OPCML: variants seen among roughly 807,000 people sequenced by gnomAD.
OPCML encodes opioid-binding protein/cell adhesion molecule.
A neutral mutation model predicts 37.8 loss-of-function variants in OPCML; 13 were observed. That is an observed-to-expected ratio of 0.34 (90% CI 0.22 to 0.55). OPCML has a LOEUF of 0.55. Ranked by LOEUF, OPCML falls within the 20% of genes least tolerant of loss-of-function variation. The pLI is 0.91. For synonymous variants in OPCML, 176 were observed against 168.8 expected, an observed-to-expected ratio of 1.04 and a Z score of -0.33; for missense variants, 341 against 435.6, an observed-to-expected ratio of 0.78 and a Z score of 1.93.
chr11:132,513,063 T>C (rs1301065632), intron 4 of OPCML, among the ~76,000 whole-genome samples: 1 of 152,154 alleles, frequency 6.6e-6, no homozygotes, highest in Non-Finnish European at 1.5e-5. Flanking sequence ...CATGTACTTC[T>C]CAAACCTCAT....
intron 1 of OPCML, among the ~76,000 whole-genome samples, chr11:133,399,935 G>T (rs546317535): frequency 2.0e-5 from 3 of 151,708 alleles, no homozygotes; most frequent in Non-Finnish European, 4.4e-5. Flanking sequence ...GCACACGTCT[G>T]TTGCATATTG....
chr11:132,719,190 C>T (rs1415097570), intron 2 of OPCML, among the ~76,000 whole-genome samples: 1 of 152,230 alleles, frequency 6.6e-6, no homozygotes, highest in African/African-American at 2.4e-5. Flanking sequence ...CATGCAGACA[C>T]TACCGCAGTC....
intron 1 of OPCML, among the ~76,000 whole-genome samples, chr11:133,419,780 T>C (rs542620053): frequency 5.3e-5 from 8 of 152,364 alleles, no homozygotes; most frequent in Non-Finnish European, 1.2e-4. Context: ...CTTAACATTC[T>C]ATCATGTCTG....
At chr11:133,143,952 G>A (rs1411552356) in intron 1 of OPCML, among the ~76,000 whole-genome samples, 2 of 152,212 alleles carry the variant, frequency 1.3e-5, no homozygotes, top group Non-Finnish European at 2.9e-5. Flanking sequence ...ACTCTGTGGA[G>A]ATGGAGGAGG....
At position 133,433,251 on chromosome 11, in the gene OPCML, CAA is replaced by C. The variant is rs71477795; in HGVS notation, c.61+99011_61+99012del. 1.6e-3 allele frequency among the ~76,000 whole-genome samples: 144 copies of C among 90,696 alleles called. 5 individuals are homozygous for C. The highest frequency in any genetic ancestry group is 5.3e-3 in the African/African-American group (115 of 21,828). 59.5% of individuals were successfully genotyped at this position (90,696 alleles called of 152,430 possible). A position where few individuals can be genotyped will look rare whatever the true frequency, so the allele number is the denominator to read the frequency against. On this transcript the variant is annotated intron_variant, in intron 1 of 7. Transcript: ENST00000524381. ...TGGGCGACAGAGCGAGACTCCGTCT[CAA>C]AAAAAAAAAAAAAAAAATATTACTG...
intron 1 of OPCML, among the ~76,000 whole-genome samples, chr11:133,169,994 A>G (rs1262680025): frequency 1.8e-5 from 1 of 56,632 alleles, no homozygotes; most frequent in East Asian, 4.9e-4. Context: ...TAAAATAGGA[A>G]AAAAAAAGTT....
intron 1 of OPCML, among the ~76,000 whole-genome samples, chr11:133,339,994 T>C (rs570538184): frequency 1.3e-5 from 2 of 152,348 alleles, no homozygotes; most frequent in African/African-American, 4.8e-5. Flanking sequence ...CACACCACAC[T>C]GACTCAAACC....
intron 1 of OPCML, among the ~76,000 whole-genome samples, chr11:132,976,913 G>T (rs1348684259): frequency 6.6e-6 from 1 of 152,298 alleles, no homozygotes; most frequent in East Asian, 1.9e-4. Context: ...AGAAAATTTA[G>T]ATGAAGCCAT....
intron 3 of OPCML, among the ~76,000 whole-genome samples, chr11:132,585,010 A>C (rs2096469513): frequency 6.6e-6 from 1 of 152,190 alleles, no homozygotes; most frequent in South Asian, 2.1e-4. Context: ...ACTCGTTACA[A>C]GAGTAGGTTA....
chr11:133,193,432 T>G (rs476840), intron 1 of OPCML, among the ~76,000 whole-genome samples: 20,902 of 152,134 alleles, frequency 0.14, 1,594 homozygotes, highest in South Asian at 0.2. Context: ...TTTCAAGAAG[T>G]AGGAGGTAAT....
chr11:132,977,706 G>A (rs567643793), intron 1 of OPCML, among the ~76,000 whole-genome samples: 11 of 152,140 alleles, frequency 7.2e-5, no homozygotes, highest in African/African-American at 1.7e-4. Context: ...AGGAGTCTTC[G>A]GTGACCCACC....
chr11:133,404,586 T>G (rs535845198), intron 1 of OPCML, among the ~76,000 whole-genome samples: 21 of 152,322 alleles, frequency 1.4e-4, no homozygotes, highest in African/African-American at 4.3e-4. Flanking sequence ...GCCAGCCTCT[T>G]AACCACTACG....
At chr11:132,796,779 T>C (rs1223660087) in intron 2 of OPCML, among the ~76,000 whole-genome samples, 2 of 151,908 alleles carry the variant, frequency 1.3e-5, no homozygotes, top group Non-Finnish European at 2.9e-5. Context: ...GGGGTTTCAC[T>C]GTATTAGCCA....
chr11:132,585,650 C>G (rs143643869), intron 3 of OPCML, among the ~76,000 whole-genome samples: 1 of 152,148 alleles, frequency 6.6e-6, no homozygotes, highest in Admixed American at 6.6e-5. Flanking sequence ...TCAAATTTTT[C>G]AAGACCTATG....
At chr11:132,799,719 C>T (rs998051877) in intron 2 of OPCML, among the ~76,000 whole-genome samples, 1 of 151,034 alleles carries the variant, frequency 6.6e-6, no homozygotes, top group Admixed American at 6.6e-5. Context: ...AGGGTTGCCA[C>T]AGATCTTCTA....
chr11:132,923,514 GA>G (rs1403043584), intron 2 of OPCML, among the ~76,000 whole-genome samples: 1 of 152,160 alleles, frequency 6.6e-6, no homozygotes, highest in Non-Finnish European at 1.5e-5. Flanking sequence ...GTCATATATA[GA>G]AAGAGGTTGG....
At chr11:133,137,653 C>T (rs998303818) in intron 1 of OPCML, among the ~76,000 whole-genome samples, 8 of 152,276 alleles carry the variant, frequency 5.3e-5, no homozygotes, top group African/African-American at 1.7e-4. Flanking sequence ...ATATCAAGGT[C>T]GCCTGAGACA....
intron 1 of OPCML, among the ~76,000 whole-genome samples, chr11:133,439,031 T>C (rs1016666404): frequency 6.6e-5 from 10 of 152,256 alleles, no homozygotes; most frequent in South Asian, 6.2e-4. Context: ...TATAATCAGC[T>C]GATAATAATA....
intron 3 of OPCML, among the ~76,000 whole-genome samples, chr11:132,653,670 G>T (rs1941549612): frequency 6.6e-6 from 1 of 152,190 alleles, no homozygotes; most frequent in Non-Finnish European, 1.5e-5. Flanking sequence ...TGTGGCAAAG[G>T]CTGCCTTCTA....
Sources: allele counts gnomAD v4.1 joint callset (sites outside exome capture counted in the v4.1 genomes callset), GRCh38; gene constraint gnomAD v4.1.1; transcripts MANE v1.5; gene names NCBI Gene and HGNC (gene_info 2026-07-23, HGNC 2026-07-21).